Variants in TBC1D19 observed in about 807,000 individuals in gnomAD.
TBC1D19 encodes TBC1 domain family, member 19.
In TBC1D19, 60 loss-of-function variants were observed where a neutral mutation model predicts 89.0. The ratio of observed to expected loss-of-function variants is 0.67; its 90% CI spans 0.55 to 0.84. The LOEUF (loss-of-function observed/expected upper bound fraction) is 0.84, where lower values mean the gene tolerates loss of function less well. Ranked by LOEUF, TBC1D19 falls within the 40% of genes least tolerant of loss-of-function variation. The pLI, the probability that TBC1D19 is intolerant of heterozygous loss-of-function variation, is 0.00. For missense variants in TBC1D19, 500 were observed against 610.8 expected (o/e 0.82, Z 1.91); for synonymous variants, 189 against 199.7 (o/e 0.95, Z 0.45).
At chr4:26,675,065 T>A (rs10939130) in intron 11 of TBC1D19, among the ~76,000 whole-genome samples, 134,589 of 151,998 alleles carry the variant, frequency 0.89, 61,750 homozygotes, top group Non-Finnish European at 1. Context: ...GACTTTTTAT[T>A]GTGACACTTT....
intron 7 of TBC1D19, among the ~76,000 whole-genome samples, chr4:26,642,895 T>C (rs1743646350): frequency 6.6e-6 from 1 of 152,100 alleles, no homozygotes; most frequent in Admixed American, 6.5e-5. Context: ...CTAAATATAT[T>C]TGCACCCAAT....
At chr4:26,627,110 A>G (rs1306381447) in intron 4 of TBC1D19, among the ~76,000 whole-genome samples, 7 of 151,676 alleles carry the variant, frequency 4.6e-5, no homozygotes, top group African/African-American at 9.7e-5. Context: ...TCATTGTTCA[A>G]TTCCCACCTA....
At chr4:26,784,170 C>G in the TBC1D19 span, among the ~76,000 whole-genome samples, 4 of 152,148 alleles carry the variant, frequency 2.6e-5, no homozygotes, top group African/African-American at 9.7e-5. Context: ...ACAAAACAAC[C>G]TGAATGAACT....
intron 15 of TBC1D19, among the ~76,000 whole-genome samples, chr4:26,721,776 C>G (rs1042835270): frequency 6.6e-5 from 10 of 152,076 alleles, no homozygotes; most frequent in Non-Finnish European, 2.9e-5. Context: ...TTAATTATAG[C>G]AATATCAAAC....
In TBC1D19 at chr4:26,613,165, T is replaced by C. The variant is rs755076423; in HGVS notation, c.100-4T>C. ...TTCTTTTTTATTATTATTATTATTC[T>C]TAGGCCAGTCTTCAGAGACCTGAGA... On this transcript the variant is annotated splice_region_variant and splice_polypyrimidine_tract_variant and intron_variant, in intron 1 of 20. Transcript: ENST00000264866. The C allele has an allele frequency of 4.6e-6, 7 of 1,523,644 alleles. No homozygotes were observed. The highest frequency in any genetic ancestry group is 6.2e-6 in the Non-Finnish European group (7 of 1,122,388). 94.4% of individuals were successfully genotyped at this position (1,523,644 alleles called of 1,614,324 possible). A position where few individuals can be genotyped will look rare whatever the true frequency, so the allele number is the denominator to read the frequency against.
chr4:26,788,433 A>G, the TBC1D19 span, among the ~76,000 whole-genome samples: 98 of 152,182 alleles, frequency 6.4e-4, no homozygotes, highest in Non-Finnish European at 1.3e-3. Flanking sequence ...CATTTTGTGC[A>G]AAGAGGGCAC....
intron 4 of TBC1D19, among the ~76,000 whole-genome samples, chr4:26,628,136 A>C (rs1742553367): frequency 1.3e-5 from 2 of 152,174 alleles, no homozygotes; most frequent in Admixed American, 1.3e-4. Context: ...TCATTTATTA[A>C]ATAGGGAATC....
chr4:26,827,725 T>G, the TBC1D19 span, among the ~76,000 whole-genome samples: 516 of 151,628 alleles, frequency 3.4e-3, 8 homozygotes, highest in Admixed American at 0.017. Context: ...TTGTTTTTTT[T>G]TTTTTGATAG....
chr4:26,624,491 T>C (rs1742264025), intron 4 of TBC1D19, among the ~76,000 whole-genome samples: 1 of 152,160 alleles, frequency 6.6e-6, no homozygotes, highest in East Asian at 1.9e-4. Flanking sequence ...ATTACAGGCG[T>C]GAGCCACTAT....
At chr4:26,751,233 T>C (rs1718937806) in intron 19 of TBC1D19, among the ~76,000 whole-genome samples, 1 of 152,206 alleles carries the variant, frequency 6.6e-6, no homozygotes, top group Non-Finnish European at 1.5e-5. Flanking sequence ...GCATTTTGGA[T>C]GCTGAGGTCA....
chr4:26,724,046 A>C (rs1005255448), intron 15 of TBC1D19, among the ~76,000 whole-genome samples: 1 of 152,204 alleles, frequency 6.6e-6, no homozygotes, highest in Non-Finnish European at 1.5e-5. Flanking sequence ...GACTATATGG[A>C]GTATGCTATG....
At chr4:26,828,980 T>C in the TBC1D19 span, among the ~76,000 whole-genome samples, 2 of 152,234 alleles carry the variant, frequency 1.3e-5, no homozygotes, top group Admixed American at 6.5e-5. Context: ...TTATATTCCT[T>C]AGTCACTGTA....
At chr4:26,610,090 T>C (rs1741266025) in intron 1 of TBC1D19, among the ~76,000 whole-genome samples, 1 of 152,070 alleles carries the variant, frequency 6.6e-6, no homozygotes, top group Non-Finnish European at 1.5e-5. Context: ...AGAAGCCCAA[T>C]TTAGAGGTGG....
intron 13 of TBC1D19, among the ~76,000 whole-genome samples, chr4:26,700,707 T>C (rs1028302435): frequency 1.3e-5 from 2 of 152,238 alleles, no homozygotes; most frequent in Non-Finnish European, 2.9e-5. Context: ...CATAATTTGT[T>C]ATGCAGGAAA....
chr4:26,580,190 A>G (rs1186988884), upstream of TBC1D19, among the ~76,000 whole-genome samples: 5 of 152,206 alleles, frequency 3.3e-5, no homozygotes, highest in South Asian at 6.2e-4. Context: ...GGAGGAGAGC[A>G]TAGTCTGATA....
intron 1 of TBC1D19, among the ~76,000 whole-genome samples, chr4:26,597,938 G>A (rs1413103895): frequency 6.6e-6 from 1 of 151,926 alleles, no homozygotes; most frequent in Non-Finnish European, 1.5e-5. Context: ...ATTAATTATA[G>A]TTTTATATAA....
At chr4:26,688,173 G>A (rs1713981083) in intron 12 of TBC1D19, among the ~76,000 whole-genome samples, 172 bp from the exon 13 acceptor site, 1 of 152,092 alleles carries the variant, frequency 6.6e-6, no homozygotes, top group Non-Finnish European at 1.5e-5. Flanking sequence ...CAAATAATGT[G>A]TCACATATAT....
intron 4 of TBC1D19, among the ~76,000 whole-genome samples, chr4:26,622,460 G>C (rs896767513): frequency 6.6e-6 from 1 of 151,996 alleles, no homozygotes; most frequent in African/African-American, 2.4e-5. Context: ...AGAGCTTACT[G>C]CTAGCTGCTG....
At chr4:26,729,668 G>A (rs4616737) in intron 15 of TBC1D19, among the ~76,000 whole-genome samples, 148,791 of 152,274 alleles carry the variant, frequency 0.98, 72,778 homozygotes, top group East Asian at 1. Flanking sequence ...ACTATACTAC[G>A]GAGAGTATGG....
Sources: allele counts gnomAD v4.1 joint callset (sites outside exome capture counted in the v4.1 genomes callset), GRCh38; gene constraint gnomAD v4.1.1; transcripts MANE v1.5; gene names NCBI Gene and HGNC (gene_info 2026-07-23, HGNC 2026-07-21).